The following DENND5B variants were observed in gnomAD, a reference collection of about 807,000 sequenced individuals.
DENND5B encodes DENN domain containing 5B, also known as DENN domain-containing protein 5B.
In DENND5B, 34 loss-of-function variants were observed where a neutral mutation model predicts 140.6. That is an observed-to-expected ratio of 0.24 (90% confidence interval 0.18 to 0.32). The LOEUF (loss-of-function observed/expected upper bound fraction) is 0.32. DENND5B is among the 10% of genes least tolerant of loss of function. The pLI, the probability that DENND5B is intolerant of heterozygous loss-of-function variation, is 1.00. For synonymous variants in DENND5B, 551 were observed against 562.1 expected (o/e 0.98, Z 0.28); for missense variants, 1,142 against 1,560.2 (o/e 0.73, Z 4.52).
intron 5 of DENND5B, among the ~76,000 whole-genome samples, chr12:31,451,310 TA>T (rs1720342499): frequency 6.6e-6 from 1 of 152,090 alleles, no homozygotes; most frequent in Non-Finnish European, 1.5e-5. Flanking sequence ...TAAGAGTTTC[TA>T]TAAATTTTTA....
intron 7 of DENND5B, among the ~76,000 whole-genome samples, chr12:31,439,031 C>A (rs551988985): frequency 6.6e-6 from 1 of 152,334 alleles, no homozygotes; most frequent in South Asian, 2.1e-4. Flanking sequence ...GAAATGAGCA[C>A]TGCGCTTAAG....
At chr12:31,575,487 T>C (rs1949978799) in intron 1 of DENND5B, among the ~76,000 whole-genome samples, 1 of 152,184 alleles carries the variant, frequency 6.6e-6, no homozygotes, top group Non-Finnish European at 1.5e-5. Flanking sequence ...GCTGTTTTAG[T>C]CCTGATCTAC....
chr12:31,454,137 T>C (rs1259143397), intron 4 of DENND5B, among the ~76,000 whole-genome samples: 1 of 146,184 alleles, frequency 6.8e-6, no homozygotes, highest in Non-Finnish European at 1.5e-5. Context: ...CAGCGAGACT[T>C]TGGCCAAAAA....
In DENND5B at chr12:31,460,340, G is replaced by T; in HGVS notation, c.946C>A (p.Leu316Ile). The change falls in exon 4 of 21, where the codon CTT becomes ATT. Residue 316 changes from leucine (L) to isoleucine (I), a missense_variant. Leu to Ile is a conservative substitution (Grantham distance 5, BLOSUM62 2). This residue lies in a region of DENND5B where 708 missense variants were observed against 905.5 expected (regional missense o/e 0.78). Transcript: ENST00000389082. ...LMTVAEGITT[L>I]LFPFQWQHVY... Reference sequence around the variant, plus strand: ...TGTTGCCATTGAAATGGGAACAAAAGTGTGGTGATGCCTTCTGCCACAGTC... The same window carrying T: ...TGTTGCCATTGAAATGGGAACAAAATTGTGGTGATGCCTTCTGCCACAGTC... 6.2e-7 allele frequency: 1 copy of T among 1,613,968 alleles called. No homozygotes were observed. Among genetic ancestry groups the T allele is most frequent in the Non-Finnish European group, 8.5e-7 (1 of 1,179,890 alleles).
intron 8 of DENND5B, among the ~76,000 whole-genome samples, chr12:31,431,537 A>G (rs750399202): frequency 5.3e-5 from 8 of 152,128 alleles, no homozygotes; most frequent in Non-Finnish European, 1.0e-4. Context: ...GTCAAATTGG[A>G]CAAGATGACC....
Position 31,480,307 on chromosome 12 carries a change from A to G in DENND5B, c.238-52T>C, listed in dbSNP as rs967386556. 1.4e-5 allele frequency: 20 copies of G among 1,387,236 alleles called. No individual in the cohort carries two copies. The African/African-American group carries it at 2.1e-4, about 15-fold the overall frequency. The allele number at this position is 1,387,236 out of a possible 1,614,324, so 85.9% of individuals were successfully genotyped here. A position where few individuals can be genotyped will look rare whatever the true frequency, so the allele number is the denominator to read the frequency against. ...AGAATGCAGTACACAAATAACTTCA[A>G]GCCAGAAATAAATGTTGTTTTTTTA... On this transcript the variant is annotated intron_variant, in intron 2 of 20. Transcript: ENST00000389082.
rs373262888 is a variant in DENND5B, at chr12:31,510,254, C to T, written c.128-14335G>A. On this transcript the variant is annotated intron_variant, in intron 1 of 20. Transcript: ENST00000389082. ...TTCCTTTACTCCAAGTCTGACAATA[C>T]TGAAACCATCCTGTTGACAGGGCTG... Among the ~76,000 whole-genome samples the T allele has an allele frequency of 3.3e-5, 5 of 152,320 alleles. No homozygotes were observed. In the East Asian group the frequency reaches 9.6e-4, roughly 29 times the overall value.
intron 2 of DENND5B, among the ~76,000 whole-genome samples, chr12:31,494,195 TCCATCC>T (rs1946666061): frequency 8.5e-5 from 9 of 105,914 alleles, no homozygotes; most frequent in South Asian, 3.0e-4. Flanking sequence ...CATCCATCCA[TCCATCC>T]ACCTACCTAC....
intron 8 of DENND5B, among the ~76,000 whole-genome samples, chr12:31,429,915 C>T (rs1346963128): frequency 6.6e-6 from 1 of 152,138 alleles, no homozygotes; most frequent in Non-Finnish European, 1.5e-5. Context: ...CCATGTTGGC[C>T]AGGCTGGTCT....
At chr12:31,555,797 G>A (rs1228759096) in intron 1 of DENND5B, among the ~76,000 whole-genome samples, 1 of 152,186 alleles carries the variant, frequency 6.6e-6, no homozygotes, top group Non-Finnish European at 1.5e-5. Flanking sequence ...CTTGCAGTTT[G>A]ATCTCGGACT....
At position 31,403,113 on chromosome 12, in the gene DENND5B, C is replaced by T. The variant is rs145262008; in HGVS notation, c.2804-470G>A. Among the ~76,000 whole-genome samples the T allele has an allele frequency of 1.9e-3, 291 of 152,290 alleles. 2 individuals are homozygous for T. Among genetic ancestry groups the T allele is most frequent in the Admixed American group, 0.015 (231 of 15,290 alleles). On this transcript the variant is annotated intron_variant, in intron 14 of 20. Coordinates refer to ENST00000389082, the MANE Select transcript of DENND5B (RefSeq NM_144973.4). ...ACAGTATTGAGTTTCTTGGGCAATG[C>T]TTTAAAGCACTGCATTTCAGAACTT...
chr12:31,413,834 T>C (rs1316706078), intron 12 of DENND5B, among the ~76,000 whole-genome samples: 1 of 152,226 alleles, frequency 6.6e-6, no homozygotes, highest in Non-Finnish European at 1.5e-5. Context: ...CTTTATTATG[T>C]CCTTGTGGCA....
chr12:31,585,997 A>C (rs1950381644), intron 1 of DENND5B, among the ~76,000 whole-genome samples: 1 of 152,226 alleles, frequency 6.6e-6, no homozygotes, highest in South Asian at 2.1e-4. Flanking sequence ...AACACTGTGT[A>C]CTGTATATAA....
At chr12:31,431,957 G>T in intron 8 of DENND5B, 3 of 614,732 alleles carry the variant, frequency 4.9e-6, no homozygotes, top group Non-Finnish European at 6.1e-6. Context: ...AGAGCTATGT[G>T]CACTCACACA....
At chr12:31,543,568 C>T (rs1948757628) in intron 1 of DENND5B, among the ~76,000 whole-genome samples, 1 of 152,028 alleles carries the variant, frequency 6.6e-6, no homozygotes, top group Non-Finnish European at 1.5e-5. Context: ...AAGGTTAGTC[C>T]TATTAGAAAT....
intron 1 of DENND5B, among the ~76,000 whole-genome samples, chr12:31,580,277 T>C (rs1199151691): frequency 6.6e-6 from 1 of 152,162 alleles, no homozygotes; most frequent in Admixed American, 6.5e-5. Flanking sequence ...TGCATATACC[T>C]GGTAAAAATG....
intron 19 of DENND5B, among the ~76,000 whole-genome samples, chr12:31,391,488 G>T (rs1286279983): frequency 6.6e-6 from 1 of 152,072 alleles, no homozygotes; most frequent in East Asian, 1.9e-4. Context: ...TTTGTGTATT[G>T]TTTGTTTCCC....
chr12:31,453,565 C>T (rs961771836), intron 4 of DENND5B, among the ~76,000 whole-genome samples: 5 of 152,006 alleles, frequency 3.3e-5, no homozygotes, highest in Admixed American at 6.6e-5. Flanking sequence ...AAAGTGTAGC[C>T]CATCACATAA....
rs542577550 is a variant in DENND5B, at chr12:31,433,183, T to C, written c.2078A>G (p.His693Arg). 3.7e-6 allele frequency: 6 copies of C among 1,613,950 alleles called. No homozygotes were observed. In the Admixed American group the frequency reaches 5.0e-5, roughly 13 times the overall value. ...CCTCAAGTCGTTGTCCAGCCCAACA[T>C]GCTCAGAATGCTGGCGAAGGCGTTC... is the stretch of plus-strand genomic sequence containing the variant. ...RKERLRQHSE[H>R]VGLDNDLREK... is the part of the protein sequence containing the mutation. The change falls in exon 8 of 21, where the codon CAT (histidine) becomes CGT (arginine). Residue 693 changes from histidine to arginine, a missense_variant. Physicochemically the swap from His to Arg is conservative, Grantham distance 29. This residue lies in a region of DENND5B where 708 missense variants were observed against 905.5 expected (regional missense o/e 0.78). Coordinates refer to ENST00000389082, the MANE Select transcript of DENND5B (RefSeq NM_144973.4).
Sources: gnomAD v4.1 joint callset for allele counts (sites outside exome capture counted in the v4.1 genomes callset) on GRCh38, gnomAD v4.1.1 for gene constraint, gnomAD v4.1.1 regional missense constraint, MANE v1.5 for transcripts, NCBI Gene and HGNC (gene_info 2026-07-23, HGNC 2026-07-21) for gene names.